SIGLECL1: variants seen among roughly 807,000 people sequenced by gnomAD.
The protein encoded by SIGLECL1 is SIGLEC family like 1, also known as SIGLEC family-like protein 1.
In SIGLECL1, 16 loss-of-function variants were observed where a neutral mutation model predicts 19.1. That is an observed-to-expected ratio of 0.84 (90% CI 0.57 to 1.27). SIGLECL1 has a LOEUF of 1.27. SIGLECL1 is among the 50% of genes most tolerant of loss of function. SIGLECL1 has a pLI of 0.00. For missense variants in SIGLECL1, 210 were observed against 239.4 expected, an observed-to-expected ratio of 0.88 and a Z score of 0.81; for synonymous variants, 89 against 90.4, an observed-to-expected ratio of 0.98 and a Z score of 0.09.
chr19:51,268,312 G>A (rs1266308586), intron 5 of SIGLECL1, among the ~76,000 whole-genome samples: 1 of 152,084 alleles, frequency 6.6e-6, no homozygotes, highest in Non-Finnish European at 1.5e-5. Flanking sequence ...ACCTACCTGA[G>A]GAAGTCAGGC....
rs1983865692 is a variant in SIGLECL1 at position 51,268,919 on chromosome 19, A to G, written c.*322A>G. On this transcript the variant is annotated 3_prime_UTR_variant, in exon 6 of 6. Coordinates refer to ENST00000601727, the MANE Select transcript of SIGLECL1 (RefSeq NM_001385465.1). ...AAAATACATGTGACAATATGAATCA[A>G]GTCCATCAGCAAGTTACTTTTGAGC... is the stretch of plus-strand genomic sequence containing the variant. 3.7e-6 allele frequency: 1 copy of G among 271,074 alleles called. No homozygotes were observed. Among genetic ancestry groups the G allele is most frequent in the African/African-American group, 2.2e-5 (1 of 44,558 alleles). 16.8% of individuals were successfully genotyped at this position (271,074 alleles called of 1,614,324 possible).
chr19:51,256,372 G>A (rs1216068302), intron 1 of SIGLECL1, among the ~76,000 whole-genome samples: 3 of 152,196 alleles, frequency 2.0e-5, no homozygotes, highest in Non-Finnish European at 4.4e-5. Flanking sequence ...TTGCAGCAAC[G>A]TAAATAAACC....
chr19:51,267,214 G>A (rs1416359698), intron 4 of SIGLECL1, among the ~76,000 whole-genome samples, 159 bp from the exon 5 acceptor site: 5 of 152,178 alleles, frequency 3.3e-5, no homozygotes, highest in Non-Finnish European at 7.3e-5. Context: ...TTCAGAGTGT[G>A]AAACTAATTC....
Position 51,251,270 on chromosome 19 carries a change from T to C in SIGLECL1, c.-466T>C. 6.5e-6 allele frequency: 1 copy of C among 152,814 alleles called. No individual in the cohort carries two copies. The highest frequency in any genetic ancestry group is 1.5e-5 in the Non-Finnish European group (1 of 68,388). The allele number at this position is 152,814 out of a possible 1,614,324, so 9.5% of individuals were successfully genotyped here. A position where few individuals can be genotyped will look rare whatever the true frequency, so the allele number is the denominator to read the frequency against. On this transcript the variant is annotated 5_prime_UTR_variant, in exon 1 of 6. Transcript: ENST00000601727. Reference sequence around the variant, plus strand: ...AGTTGTTGGCGGTTGTTGGGTTCCTTCATTGAAACTGCACTAACTGGGCTT... The same window carrying C: ...AGTTGTTGGCGGTTGTTGGGTTCCTCCATTGAAACTGCACTAACTGGGCTT...
chr19:51,261,343 C>T (rs1398303824), intron 1 of SIGLECL1, among the ~76,000 whole-genome samples: 3 of 152,122 alleles, frequency 2.0e-5, no homozygotes, highest in Non-Finnish European at 4.4e-5. Context: ...GGCTGGAGTG[C>T]AGTGGCATGA....
At chr19:51,252,447 C>CTCAT (rs1014035288) in intron 1 of SIGLECL1, among the ~76,000 whole-genome samples, 6 of 152,172 alleles carry the variant, frequency 3.9e-5, no homozygotes, top group African/African-American at 1.4e-4. Flanking sequence ...GTAAAACCCA[C>CTCAT]TCATGTTACA....
chr19:51,251,221 T>TCTGGCGGTTGTTGGGTC lies in SIGLECL1; in HGVS notation c.-513_-497dup, dbSNP rs1982461728. Reference sequence around the variant, plus strand: ...TTGGCGTCCCTGGCAGTTGTTGGGTTCTGGCGGTTGTTGGGTCCCTGGCAG... The same window carrying TCTGGCGGTTGTTGGGTC: ...TTGGCGTCCCTGGCAGTTGTTGGGTTCTGGCGGTTGTTGGGTCCTGGCGGTTGTTGGGTCCCTGGCAG... On this transcript the variant is annotated 5_prime_UTR_variant, in exon 1 of 6. Coordinates refer to ENST00000601727, the MANE Select transcript of SIGLECL1 (RefSeq NM_001385465.1). 1 of 152,876 alleles carries TCTGGCGGTTGTTGGGTC rather than the reference T, an allele frequency of 6.5e-6. No homozygotes were observed. Among genetic ancestry groups the TCTGGCGGTTGTTGGGTC allele is most frequent in the South Asian group, 2.1e-4 (1 of 4,838 alleles). 9.5% of individuals were successfully genotyped at this position (152,876 alleles called of 1,614,324 possible).
chr19:51,252,589 AG>A (rs1982560427), intron 1 of SIGLECL1, among the ~76,000 whole-genome samples: 1 of 152,126 alleles, frequency 6.6e-6, no homozygotes, highest in African/African-American at 2.4e-5. Context: ...AGAAAGGGGA[AG>A]GAAAAAAAAA....
chr19:51,263,452 CAGAGAG>C (rs940355070), intron 1 of SIGLECL1, among the ~76,000 whole-genome samples: 1 of 152,102 alleles, frequency 6.6e-6, no homozygotes, highest in Non-Finnish European at 1.5e-5. Flanking sequence ...GACTGGGTGA[CAGAGAG>C]AGAGAAAGAC....
intron 1 of SIGLECL1, 59 bp from the exon 2 acceptor site, chr19:51,263,824 G>A: frequency 2.4e-6 from 1 of 411,948 alleles, no homozygotes; most frequent in Non-Finnish European, 4.4e-6. Context: ...AATCTTAGTT[G>A]CCTCCCTGTC....
Position 51,265,862 on chromosome 19 carries a change from C to T in SIGLECL1, c.390C>T (p.Phe130=). The T allele has an allele frequency of 6.2e-7, 1 of 1,614,162 alleles. No homozygotes were observed. Among genetic ancestry groups the T allele is most frequent in the African/African-American group, 1.3e-5 (1 of 75,022 alleles). The change falls in exon 4 of 6, where the codon TTC becomes TTT. Residue 130 remains phenylalanine (F), a synonymous_variant. Transcript: ENST00000601727. ...IYAGIVIALL[F]LCLLPLIVKH... is the part of the protein sequence containing the mutation. ...CGGGAATTGTAATTGCGCTGCTCTTCCTCTGCCTCCTCCCTCTCATGTGAG... is the reference window on the plus strand; with the variant it reads ...CGGGAATTGTAATTGCGCTGCTCTTTCTCTGCCTCCTCCCTCTCATGTGAG...
intron 1 of SIGLECL1, among the ~76,000 whole-genome samples, chr19:51,261,770 C>T (rs891635485): frequency 3.3e-5 from 5 of 152,186 alleles, no homozygotes; most frequent in African/African-American, 9.7e-5. Context: ...CATCTAGGTA[C>T]ATGATTTCTA....
intron 1 of SIGLECL1, among the ~76,000 whole-genome samples, chr19:51,262,288 G>A (rs574897856): frequency 6.6e-6 from 1 of 152,252 alleles, no homozygotes; most frequent in Non-Finnish European, 1.5e-5. Flanking sequence ...AACTACATAT[G>A]GCTATTGAGC....
chr19:51,257,841 G>C (rs550441440), intron 1 of SIGLECL1: 1 of 152,364 alleles, frequency 6.6e-6, no homozygotes, highest in South Asian at 2.1e-4. Flanking sequence ...GATCCACCAT[G>C]AGGGAAGTCA....
Position 51,265,536 on chromosome 19 carries a change from C to T in SIGLECL1, c.191C>T (p.Pro64Leu). The T allele has an allele frequency of 3.7e-6, 6 of 1,614,144 alleles. No homozygotes were observed. The highest frequency in any genetic ancestry group is 4.2e-6 in the Non-Finnish European group (5 of 1,180,026). The change falls in exon 3 of 6, where the codon CCC becomes CTC. Residue 64 changes from proline (P) to leucine (L), a missense_variant. Coordinates refer to ENST00000601727, the MANE Select transcript of SIGLECL1 (RefSeq NM_001385465.1). ...CAAGTGACTTCCACCATGCTTGGCCCCTGGGCTAACAGCACCATCAGCCTA... is the reference window on the plus strand; with the variant it reads ...CAAGTGACTTCCACCATGCTTGGCCTCTGGGCTAACAGCACCATCAGCCTA... ...SLQVTSTMLG[P>L]WANSTISLTE...
upstream of SIGLECL1, among the ~76,000 whole-genome samples, chr19:51,248,186 G>A (rs1163400601): frequency 9.7e-5 from 2 of 20,678 alleles, no homozygotes; most frequent in African/African-American, 2.1e-3. Flanking sequence ...TCTCTGTCAC[G>A]TGCTGTAAGG....
At chr19:51,268,450 C>A in intron 5 of SIGLECL1, 121 bp from the exon 6 acceptor site, 1 of 1,030,936 alleles carries the variant, frequency 9.7e-7, no homozygotes, top group Non-Finnish European at 1.5e-6. Context: ...TAAGCCAGTG[C>A]TCACTCCATG....
intron 5 of SIGLECL1, 147 bp from the exon 6 acceptor site, chr19:51,268,424 G>A (rs758475089): frequency 2.3e-5 from 19 of 815,366 alleles, no homozygotes; most frequent in Non-Finnish European, 3.9e-5. Flanking sequence ...TTAACCATGG[G>A]GTTGTGAGGA....
At chr19:51,258,325 A>G (rs1982953218) in intron 1 of SIGLECL1, among the ~76,000 whole-genome samples, 1 of 152,168 alleles carries the variant, frequency 6.6e-6, no homozygotes, top group African/African-American at 2.4e-5. Flanking sequence ...ACTGAAACAT[A>G]TGGTTTGAAA....
Sources: gnomAD v4.1 joint callset for allele counts (sites outside exome capture counted in the v4.1 genomes callset) on GRCh38, gnomAD v4.1.1 for gene constraint, MANE v1.5 for transcripts, NCBI Gene and HGNC (gene_info 2026-07-23, HGNC 2026-07-21) for gene names.